The following FOXP2 variants were observed in gnomAD, a reference collection of about 807,000 sequenced individuals.
The protein encoded by FOXP2 is forkhead box protein P2.
FOXP2 carries 12 observed loss-of-function variants against 115.8 expected under a neutral mutation model. The ratio of observed to expected loss-of-function variants is 0.10; its 90% CI spans 0.07 to 0.17. The LOEUF is 0.17. Among genes scored for constraint, FOXP2 ranks in the 10% least tolerant of loss-of-function variants. FOXP2 has a pLI of 1.00. For synonymous variants in FOXP2, 328 were observed against 297.7 expected (o/e 1.10, Z -1.05); for missense variants, 629 against 843.5 (o/e 0.75, Z 3.15).
intron 1 of FOXP2, among the ~76,000 whole-genome samples, chr7:114,238,181 T>C (rs1795060005): frequency 6.6e-6 from 1 of 152,218 alleles, no homozygotes; most frequent in Non-Finnish European, 1.5e-5. Flanking sequence ...TGTTTGTGAA[T>C]AGAGACAGAA....
rs1417366451 is a variant in FOXP2 at position 114,693,242 on chromosome 7, A to G, written c.*3316A>G. The G allele has an allele frequency of 6.7e-6, 3 of 449,438 alleles. No homozygotes were observed. The highest frequency in any genetic ancestry group is 1.4e-4 in the East Asian group (2 of 14,370). 27.8% of individuals were successfully genotyped at this position (449,438 alleles called of 1,614,324 possible). A position where few individuals can be genotyped will look rare whatever the true frequency, so the allele number is the denominator to read the frequency against. ...ATAACTCAGATATGGAGAAAATGTC[A>G]TCAGCATTCTGTGTCTACAGCTGCT... is the stretch of plus-strand genomic sequence containing the variant. On this transcript the variant is annotated 3_prime_UTR_variant, in exon 17 of 17. Coordinates refer to ENST00000350908, the MANE Select transcript of FOXP2 (RefSeq NM_014491.4).
chr7:114,174,415 G>A (rs1793233017), intron 1 of FOXP2, among the ~76,000 whole-genome samples: 1 of 151,950 alleles, frequency 6.6e-6, no homozygotes, highest in Non-Finnish European at 1.5e-5. Context: ...GTAACTTTAT[G>A]TTAACCTGAA....
intron 16 of FOXP2, among the ~76,000 whole-genome samples, chr7:114,683,920 T>C (rs1387595942): frequency 1.3e-5 from 2 of 152,212 alleles, no homozygotes; most frequent in East Asian, 3.8e-4. Context: ...CAACCCCGTG[T>C]CTCAGTTCAG....
intron 6 of FOXP2, among the ~76,000 whole-genome samples, chr7:114,634,892 A>G (rs140980669): frequency 6.6e-6 from 1 of 152,246 alleles, no homozygotes; most frequent in African/African-American, 2.4e-5. Context: ...ATATTCACAC[A>G]TTTACTATGA....
chr7:114,401,551 T>C (rs1469702976), intron 2 of FOXP2, among the ~76,000 whole-genome samples: 1 of 152,168 alleles, frequency 6.6e-6, no homozygotes, highest in African/African-American at 2.4e-5. Context: ...ATCAATCACG[T>C]GTCAACAGTT....
chr7:114,688,110 G>T (rs939774239), intron 16 of FOXP2, among the ~76,000 whole-genome samples: 3 of 138,526 alleles, frequency 2.2e-5, no homozygotes, highest in East Asian at 2.1e-4. Context: ...AAACTTCAGG[G>T]TTTTTTTTTT....
intron 1 of FOXP2, among the ~76,000 whole-genome samples, chr7:114,243,765 G>A (rs925435799): frequency 1.3e-5 from 2 of 152,224 alleles, no homozygotes; most frequent in African/African-American, 4.8e-5. Context: ...GAGAGAGAGG[G>A]AGAAATTCTC....
At chr7:114,641,647 T>A (rs1805535429) in intron 6 of FOXP2, among the ~76,000 whole-genome samples, 1 of 151,980 alleles carries the variant, frequency 6.6e-6, no homozygotes, top group South Asian at 2.1e-4. Flanking sequence ...TTCCCTTTTA[T>A]TTATTTATTT....
intron 1 of FOXP2, among the ~76,000 whole-genome samples, chr7:114,222,498 T>C (rs987522912): frequency 1.3e-5 from 2 of 152,204 alleles, no homozygotes; most frequent in Non-Finnish European, 2.9e-5. Flanking sequence ...TATTAACATG[T>C]ATTTGTATAT....
At chr7:114,268,690 A>G (rs1170861100) in intron 1 of FOXP2, among the ~76,000 whole-genome samples, 2 of 141,588 alleles carry the variant, frequency 1.4e-5, no homozygotes, top group Non-Finnish European at 3.0e-5. Flanking sequence ...GGTGAAGTCT[A>G]TACTCCCCAC....
rs189463189 is a variant in FOXP2, at chr7:114,415,833, A to T, written c.-11+473A>T. On this transcript the variant is annotated intron_variant, in intron 1 of 16. Coordinates refer to ENST00000350908, the MANE Select transcript of FOXP2 (RefSeq NM_014491.4). ...GATGTTTATTTTGTGCTAAAGGGGA[A>T]ACTCTTTTTGCTAAGCTTGTACAAA... Among the ~76,000 whole-genome samples the T allele has an allele frequency of 1.6e-4, 24 of 152,014 alleles. No homozygotes were observed. The East Asian group carries it at 4.5e-3, about 28-fold the overall frequency.
chr7:114,364,564 A>G (rs925591145), intron 2 of FOXP2, among the ~76,000 whole-genome samples: 9 of 152,156 alleles, frequency 5.9e-5, no homozygotes, highest in African/African-American at 2.2e-4. Context: ...AGAAAATCCC[A>G]CTTTTATTTA....
chr7:114,376,352 A>T (rs1340149391), intron 2 of FOXP2, among the ~76,000 whole-genome samples: 6 of 152,226 alleles, frequency 3.9e-5, no homozygotes, highest in African/African-American at 1.4e-4. Flanking sequence ...AACTTCTTTT[A>T]TTCTCAGTTT....
intron 4 of FOXP2, among the ~76,000 whole-genome samples, chr7:114,629,251 ACCC>A (rs1804759870): frequency 6.6e-6 from 1 of 152,156 alleles, no homozygotes; most frequent in Non-Finnish European, 1.5e-5. Context: ...CCATATCGGA[ACCC>A]TGAGTGTATA....
chr7:114,177,370 G>A (rs1032416284), intron 1 of FOXP2, among the ~76,000 whole-genome samples: 1 of 151,878 alleles, frequency 6.6e-6, no homozygotes, highest in African/African-American at 2.4e-5. Flanking sequence ...AGTTTAAGTT[G>A]TTCCACATTT....
At chr7:114,350,912 A>G (rs1791471223) in intron 2 of FOXP2, among the ~76,000 whole-genome samples, 2 of 152,130 alleles carry the variant, frequency 1.3e-5, no homozygotes, top group African/African-American at 2.4e-5. Context: ...GTGGTGTAGT[A>G]TTTGCGTATA....
chr7:114,391,801 A>G lies in FOXP2; in HGVS notation c.-10-34701A>G, dbSNP rs1027970689. 3.3e-5 allele frequency among the ~76,000 whole-genome samples: 5 copies of G among 152,244 alleles called. No individual in the cohort carries two copies. In the South Asian group the frequency reaches 6.2e-4, roughly 19 times the overall value. The stretch of plus-strand genomic sequence containing the variant: ...AAATACGTGACACTCAAATGTCCAC[A>G]TGAACATGGTAGTTTCAGAATGTAT... On this transcript the variant is annotated intron_variant, in intron 2 of 17. Coordinates refer to the FOXP2 transcript ENST00000634411.
intron 2 of FOXP2, among the ~76,000 whole-genome samples, chr7:114,409,150 C>CT (rs1793106579): frequency 6.6e-6 from 1 of 151,992 alleles, no homozygotes. Context: ...ACTTTTTAGT[C>CT]TTTTTGGCAA....
chr7:114,223,721 A>C (rs1163205228), intron 1 of FOXP2, among the ~76,000 whole-genome samples: 4 of 150,958 alleles, frequency 2.6e-5, no homozygotes, highest in Non-Finnish European at 3.0e-5. Context: ...AGTTATCATC[A>C]TGCCTCTGCC....
Sources: gnomAD v4.1 joint callset for allele counts (sites outside exome capture counted in the v4.1 genomes callset) on GRCh38, gnomAD v4.1.1 for gene constraint, MANE v1.5 for transcripts, NCBI Gene and HGNC (gene_info 2026-07-23, HGNC 2026-07-21) for gene names.